CCDC191: variants seen among roughly 807,000 people sequenced by gnomAD.
CCDC191 encodes coiled-coil domain-containing protein 191.
CCDC191 carries 99 observed loss-of-function variants against 114.0 expected under a neutral mutation model. The observed-to-expected ratio is 0.87, with a 90% confidence interval of 0.74 to 1.03. The LOEUF is 1.03. CCDC191 is among the 50% of genes least tolerant of loss of function. The pLI, the probability that CCDC191 is intolerant of heterozygous loss-of-function variation, is 0.00. For missense variants in CCDC191, 973 were observed against 1,087.0 expected (o/e 0.90, Z 1.47); for synonymous variants, 351 against 376.0 (o/e 0.93, Z 0.77).
intron 9 of CCDC191, among the ~76,000 whole-genome samples, chr3:114,006,602 A>ATATATATATATATATAAATATATATATTT (rs1171345788): frequency 7.5e-6 from 1 of 133,502 alleles, no homozygotes; most frequent in African/African-American, 3.0e-5. Context: ...ATATATATAT[A>ATATATATATATATATAAATATATATATTT]TATATATATA....
intron 13 of CCDC191, among the ~76,000 whole-genome samples, chr3:113,997,436 C>A (rs1209184478): frequency 6.6e-6 from 1 of 152,114 alleles, no homozygotes; most frequent in African/African-American, 2.4e-5. Flanking sequence ...ATTAGTGACA[C>A]CCAGTAGCAA....
At chr3:114,001,777 C>T (rs6438178) in intron 12 of CCDC191, 81 bp from the exon 13 acceptor site, 1,562,432 of 1,565,034 alleles carry the variant, frequency 1, 779,951 homozygotes, top group East Asian at 1. Flanking sequence ...GATAGTCAAG[C>T]GTCTACCAAA....
At position 114,004,173 on chromosome 3, in the gene CCDC191, T is replaced by A. The variant is rs1458755083; in HGVS notation, c.1978+464A>T. On this transcript the variant is annotated intron_variant, in intron 11 of 16. Coordinates refer to ENST00000295878, the MANE Select transcript of CCDC191 (RefSeq NM_020817.2). ...ATTAACATATCTGGTTTGTAGGTTT[T>A]ATTACTAAAATCCTATCAACAAGTT... 3.1e-6 allele frequency: 3 copies of A among 962,324 alleles called. No homozygotes were observed. In the African/African-American group the frequency reaches 5.3e-5, roughly 17 times the overall value. The allele number at this position is 962,324 out of a possible 1,614,324, so 59.6% of individuals were successfully genotyped here.
intron 6 of CCDC191, among the ~76,000 whole-genome samples, chr3:114,032,068 A>G (rs1407091384): frequency 6.6e-6 from 1 of 152,200 alleles, no homozygotes; most frequent in Admixed American, 6.5e-5. Context: ...ACTTTGATCA[A>G]AATTTGAGAG....
chr3:114,000,271 G>A (rs536446272), intron 13 of CCDC191, among the ~76,000 whole-genome samples: 1 of 150,924 alleles, frequency 6.6e-6, no homozygotes, highest in East Asian at 1.9e-4. Context: ...CAAAAAGGAG[G>A]AGGAAGGAAG....
chr3:114,019,329 C>T (rs2076211267), intron 7 of CCDC191, among the ~76,000 whole-genome samples: 1 of 152,168 alleles, frequency 6.6e-6, no homozygotes, highest in Admixed American at 6.5e-5. Context: ...GATGGAGTCT[C>T]TGGTCCCTGA....
rs1234040427 is a variant in CCDC191, at chr3:114,035,019, C to A, written c.724G>T (p.Ala242Ser). ...TGAATCTCCTCTTCCTCTTTCTTGGCCTCCAGAGCCTTCCTTTTCTTCTCT... is the reference window on the plus strand; with the variant it reads ...TGAATCTCCTCTTCCTCTTTCTTGGACTCCAGAGCCTTCCTTTTCTTCTCT... Reference protein sequence around the residue: ...QEEKKRKALEAKKEEEEIQRE... With the variant: ...QEEKKRKALESKKEEEEIQRE... Residue 242 changes from alanine to serine, a missense_variant, in exon 6 of 17, where the codon GCC becomes TCC. Transcript: ENST00000295878. The A allele has an allele frequency of 6.2e-7, 1 of 1,613,974 alleles. No individual in the cohort carries two copies. The highest frequency in any genetic ancestry group is 8.5e-7 in the Non-Finnish European group (1 of 1,180,014).
At chr3:114,015,780 C>T (rs1336339357) in intron 8 of CCDC191, among the ~76,000 whole-genome samples, 1 of 152,178 alleles carries the variant, frequency 6.6e-6, no homozygotes, top group African/African-American at 2.4e-5. Flanking sequence ...CATTTTGTAA[C>T]ATTATTGCCA....
At chr3:114,002,885 T>C in intron 11 of CCDC191, 1 of 981,356 alleles carries the variant, frequency 1.0e-6, no homozygotes, top group Non-Finnish European at 1.2e-6. Context: ...ATATGTTTGA[T>C]GAATGCAGAA....
At chr3:113,971,477 T>C (rs1355770178) in intron 16 of CCDC191, among the ~76,000 whole-genome samples, 1 of 152,226 alleles carries the variant, frequency 6.6e-6, no homozygotes, top group Non-Finnish European at 1.5e-5. Flanking sequence ...TGATGTATCA[T>C]GTTTATTGAT....
At chr3:113,969,157 G>A (rs574648258) in intron 16 of CCDC191, among the ~76,000 whole-genome samples, 2 of 152,288 alleles carry the variant, frequency 1.3e-5, no homozygotes, top group East Asian at 3.9e-4. Context: ...CATTCATTAA[G>A]CAATCCATCT....
chr3:113,978,206 A>G lies in CCDC191; in HGVS notation c.2586T>C (p.Ile862=). The change falls in exon 16 of 17, where the codon ATT becomes ATC. Residue 862 remains isoleucine (I), a synonymous_variant. Coordinates refer to ENST00000295878, the MANE Select transcript of CCDC191 (RefSeq NM_020817.2). ...CTCACCTGTCACTGTGCTCCGCTGC[A>G]ATCTCATGCTTGCCCTGAGAATCGA... The part of the protein sequence containing the change: ...VKIDSQGKHE[I]AAEHSDRRIL... 1 of 1,614,064 alleles carries G rather than the reference A, an allele frequency of 6.2e-7. No homozygotes were observed. The highest frequency in any genetic ancestry group is 8.5e-7 in the Non-Finnish European group (1 of 1,179,956).
chr3:114,002,044 A>G (rs2075865650), intron 12 of CCDC191, among the ~76,000 whole-genome samples: 1 of 152,210 alleles, frequency 6.6e-6, no homozygotes, highest in Non-Finnish European at 1.5e-5. Flanking sequence ...TCATTTCACC[A>G]GAAAACCCCC....
At chr3:113,978,634 TAC>T (rs2075022957) in intron 15 of CCDC191, 4 of 598,458 alleles carry the variant, frequency 6.7e-6, no homozygotes, top group Non-Finnish European at 8.6e-6. Context: ...AATGATAACT[TAC>T]AGTTTATACA....
Position 114,021,936 on chromosome 3 carries a change from T to A in CCDC191, c.973-3068A>T, listed in dbSNP as rs573245124. Among the ~76,000 whole-genome samples, 5 of 152,304 alleles carry A rather than the reference T, an allele frequency of 3.3e-5. No homozygotes were observed. In the South Asian group the frequency reaches 8.3e-4, roughly 25 times the overall value. ...TTTATTTCTGTTAGATTTTCAAATA[T>A]AGTCAGGCACTCTTTTCCTAACTTC... is the stretch of plus-strand genomic sequence containing the variant. On this transcript the variant is annotated intron_variant, in intron 7 of 16. Transcript: ENST00000295878.
At chr3:114,006,798 C>T (rs2075979376) in intron 9 of CCDC191, among the ~76,000 whole-genome samples, 1 of 151,762 alleles carries the variant, frequency 6.6e-6, no homozygotes, top group Admixed American at 6.6e-5. Flanking sequence ...CCTCTCCTGA[C>T]ACTAGTAAAT....
chr3:113,983,630 C>T (rs890691645), intron 13 of CCDC191, among the ~76,000 whole-genome samples: 3 of 152,222 alleles, frequency 2.0e-5, no homozygotes, highest in African/African-American at 7.2e-5. Context: ...TTTTCCCCAA[C>T]TAGCATAGAA....
Position 114,046,726 on chromosome 3 carries a change from C to G in CCDC191, c.136G>C (p.Glu46Gln). 1 of 1,609,364 alleles carries G rather than the reference C, an allele frequency of 6.2e-7. No homozygotes were observed. Among genetic ancestry groups the G allele is most frequent in the Non-Finnish European group, 8.5e-7 (1 of 1,177,640 alleles). The change falls in exon 3 of 17, where the codon GAG (glutamate) becomes CAG (glutamine). Residue 46 changes from glutamate to glutamine, a missense_variant. Glu to Gln is a conservative substitution (Grantham distance 29). Transcript: ENST00000295878. ...GACACTGCAAACTCTGAGGCTTTCTCCACTCTCTTCAATATAACAGAAAAA... is the reference window on the plus strand; with the variant it reads ...GACACTGCAAACTCTGAGGCTTTCTGCACTCTCTTCAATATAACAGAAAAA... The part of the protein sequence containing the change: ...DSVEHWIKRV[E>Q]KASEFAVSNA...
At chr3:113,977,161 G>A (rs553892416) in intron 16 of CCDC191, among the ~76,000 whole-genome samples, 10 of 152,246 alleles carry the variant, frequency 6.6e-5, no homozygotes, top group South Asian at 4.1e-4. Flanking sequence ...GCCGGGTGTC[G>A]TGGTGTGTGC....
Sources: allele counts gnomAD v4.1 joint callset (sites outside exome capture counted in the v4.1 genomes callset), GRCh38; gene constraint gnomAD v4.1.1; transcripts MANE v1.5; gene names NCBI Gene and HGNC (gene_info 2026-07-23, HGNC 2026-07-21).